The following SLC8A2 variants were observed in gnomAD, a reference collection of about 807,000 sequenced individuals.
The protein encoded by SLC8A2 is sodium/calcium exchanger 2.
Under a neutral mutation model 70.2 loss-of-function variants are expected in SLC8A2, and 14 were observed. The ratio of observed to expected loss-of-function variants is 0.20; its 90% CI spans 0.13 to 0.31. The LOEUF is 0.31. Ranked by LOEUF, SLC8A2 falls within the 10% of genes least tolerant of loss-of-function variation. The pLI, the probability that SLC8A2 is intolerant of heterozygous loss-of-function variation, is 1.00. For missense variants in SLC8A2, 779 were observed against 1,320.1 expected (o/e 0.59, Z 6.35); for synonymous variants, 575 against 594.3 (o/e 0.97, Z 0.47).
intron 2 of SLC8A2, among the ~76,000 whole-genome samples, chr19:47,459,629 A>G (rs1967365904): frequency 6.8e-6 from 1 of 147,718 alleles, no homozygotes. Context: ...GTGTATGTGT[A>G]TGTGCGTGTG....
chr19:47,460,590 G>A lies in SLC8A2; in HGVS notation c.676-2996C>T, dbSNP rs536696198. Among the ~76,000 whole-genome samples, 112 of 152,050 alleles carry A rather than the reference G, an allele frequency of 7.4e-4. 1 individual carries two copies. The highest frequency in any genetic ancestry group is 2.6e-3 in the African/African-American group (109 of 41,494). The stretch of plus-strand genomic sequence containing the variant: ...TGTGCATCTGTAGTCCCAGTTACTC[G>A]GGAGGCTGAGGCAGGAGAATTGCTT... On this transcript the variant is annotated intron_variant, in intron 2 of 9. Coordinates refer to ENST00000236877, the MANE Select transcript of SLC8A2 (RefSeq NM_015063.3).
chr19:47,440,393 A>C (rs1298832577), intron 6 of SLC8A2, among the ~76,000 whole-genome samples: 1 of 152,082 alleles, frequency 6.6e-6, no homozygotes, highest in Non-Finnish European at 1.5e-5. Context: ...CACTCTCACA[A>C]ACCCAGATCT....
At position 47,447,742 on chromosome 19, in the gene SLC8A2, T is replaced by C; in HGVS notation, c.1763+67A>G. 13 of 1,452,880 alleles carry C rather than the reference T, an allele frequency of 8.9e-6. No homozygotes were observed. Among genetic ancestry groups the C allele is most frequent in the East Asian group, 2.6e-5 (1 of 38,064 alleles). 90.0% of individuals were successfully genotyped at this position (1,452,880 alleles called of 1,614,324 possible). ...GCATGGCTCACCCAGGCCCCGCCCC[T>C]GAGCCACATCAGGCCTCGCCCATTC... On this transcript the variant is annotated intron_variant, in intron 4 of 9. Transcript: ENST00000236877. The surrounding 1 kb of genome is among the most constrained non-coding windows in gnomAD (Gnocchi z 5.1).
At position 47,432,444 on chromosome 19, in the gene SLC8A2, C is replaced by G. The variant is rs770877879; in HGVS notation, c.2112G>C (p.Gly704=). 6.3e-7 allele frequency: 1 copy of G among 1,589,050 alleles called. No homozygotes were observed. The highest frequency in any genetic ancestry group is 1.2e-5 in the South Asian group (1 of 86,850). ...ACCCGTCCTCCTCCTCCTCCTCGTC[C>G]CCTGTGGGCACACGACCCAGCTGGG... ...QFLEAITVSA[G]DEEEEEDGSR... is the part of the protein sequence containing the mutation. The change falls in exon 9 of 10, where the codon GGG becomes GGC. Residue 704 remains glycine (G), a splice_region_variant and synonymous_variant. Transcript: ENST00000236877. The surrounding 1 kb of genome is among the most constrained non-coding windows in gnomAD (Gnocchi z 6.2).
Position 47,465,791 on chromosome 19 carries a change from T to C in SLC8A2, c.613A>G (p.Ser205Gly). 1 of 1,614,044 alleles carries C rather than the reference T, an allele frequency of 6.2e-7. No homozygotes were observed. The highest frequency in any genetic ancestry group is 8.5e-7 in the Non-Finnish European group (1 of 1,179,958). ...LRVFFVTASW[S>G]IFAYVWLYLI... ...TAAAGCCAGACATAGGCGAAGATGC[T>C]CCAAGAGGCAGTGACAAAGAAGACT... The change falls in exon 2 of 10, where the codon AGC (serine) becomes GGC (glycine). Residue 205 changes from serine (S) to glycine (G), a missense_variant. By Grantham distance (56) the Ser-to-Gly change is moderately conservative. Coordinates refer to ENST00000236877, the MANE Select transcript of SLC8A2 (RefSeq NM_015063.3). The surrounding 1 kb of genome is among the most constrained non-coding windows in gnomAD (Gnocchi z 5.5).
rs1413520254 is a variant in SLC8A2, at chr19:47,447,630, T to A, written c.1763+179A>T. 6 of 412,632 alleles carry A rather than the reference T, an allele frequency of 1.5e-5. No homozygotes were observed. The highest frequency in any genetic ancestry group is 2.5e-5 in the South Asian group (1 of 39,362). 25.6% of individuals were successfully genotyped at this position (412,632 alleles called of 1,614,324 possible). A position where few individuals can be genotyped will look rare whatever the true frequency, so the allele number is the denominator to read the frequency against. ...TGAAGCCCCGCCCACGTCGTGGGCATGGGTCACAGGCCCCGCCCACGTTGC... is the reference window on the plus strand; with the variant it reads ...TGAAGCCCCGCCCACGTCGTGGGCAAGGGTCACAGGCCCCGCCCACGTTGC... On this transcript the variant is annotated intron_variant, in intron 4 of 9. Transcript: ENST00000236877. This position sits in a 1 kb window ranked among gnomAD's most constrained non-coding sequence, Gnocchi z 5.1.
intron 3 of SLC8A2, among the ~76,000 whole-genome samples, chr19:47,452,076 T>C (rs145522432): frequency 6.6e-6 from 1 of 152,270 alleles, no homozygotes; most frequent in African/African-American, 2.4e-5. Flanking sequence ...AATTCAGTGT[T>C]AGATTTCTTG....
intron 1 of SLC8A2, among the ~76,000 whole-genome samples, chr19:47,470,337 G>C (rs1967517631): frequency 7.3e-6 from 1 of 137,446 alleles, no homozygotes; most frequent in Non-Finnish European, 1.5e-5. Flanking sequence ...CCTGCAGCCA[G>C]GGAGACATCA....
At chr19:47,464,896 T>C (rs776448273) in intron 2 of SLC8A2, among the ~76,000 whole-genome samples, 8 of 152,142 alleles carry the variant, frequency 5.3e-5, no homozygotes, top group Non-Finnish European at 1.0e-4. Flanking sequence ...AGTTAAGACA[T>C]GGGGTGAGCG....
At chr19:47,455,495 T>C (rs879925640) in intron 3 of SLC8A2, among the ~76,000 whole-genome samples, 1 of 152,340 alleles carries the variant, frequency 6.6e-6, no homozygotes, top group East Asian at 1.9e-4. Context: ...TTATGAGTTT[T>C]GTTCACCACT....
In SLC8A2 at chr19:47,441,155, G is replaced by T; in HGVS notation, c.1885+14C>A. On this transcript the variant is annotated intron_variant, in intron 6 of 9. Transcript: ENST00000236877. ...GCTCCTCCCCACTCAGAGCCCAGAG[G>T]TGACTTCACTCACCTTGATTGAGTA... 1 of 1,613,570 alleles carries T rather than the reference G, an allele frequency of 6.2e-7. No homozygotes were observed. The highest frequency in any genetic ancestry group is 1.1e-5 in the South Asian group (1 of 91,066).
chr19:47,447,889 C>T lies in SLC8A2; in HGVS notation c.1683G>A (p.Thr561=). 1 of 1,590,672 alleles carries T rather than the reference C, an allele frequency of 6.3e-7. No individual in the cohort carries two copies. Among genetic ancestry groups the T allele is most frequent in the Non-Finnish European group, 8.5e-7 (1 of 1,171,564 alleles). The change falls in exon 4 of 10, where the codon ACG becomes ACA. Residue 561 remains threonine (T), a synonymous_variant. Transcript: ENST00000236877. The surrounding 1 kb of genome is among the most constrained non-coding windows in gnomAD (Gnocchi z 5.1). ...ARGTVRLPYR[T]VDGTARGGGV... is the part of the protein sequence containing the mutation. ...CGCCGCCGCGCGCCGTGCCGTCCAC[C>T]GTGCGGTAGGGAAGGCGCACGGTGC...
chr19:47,470,964 T>TG (rs940190108), intron 1 of SLC8A2, among the ~76,000 whole-genome samples: 14 of 148,038 alleles, frequency 9.5e-5, no homozygotes, highest in African/African-American at 2.5e-4. Context: ...ACTCTGCGGG[T>TG]GGGGGGGTCT....
At position 47,447,723 on chromosome 19, in the gene SLC8A2, C is replaced by A. The variant is rs1423451661; in HGVS notation, c.1763+86G>T. 7.3e-7 allele frequency: 1 copy of A among 1,362,914 alleles called. No homozygotes were observed. Among genetic ancestry groups the A allele is most frequent in the Non-Finnish European group, 9.6e-7 (1 of 1,037,362 alleles). 84.4% of individuals were successfully genotyped at this position (1,362,914 alleles called of 1,614,324 possible). On this transcript the variant is annotated intron_variant, in intron 4 of 9. Transcript: ENST00000236877. This position sits in a 1 kb window ranked among gnomAD's most constrained non-coding sequence, Gnocchi z 5.1. ...AGACCCGCCCACTATGTGGGCATGG[C>A]TCACCCAGGCCCCGCCCCTGAGCCA...
intron 1 of SLC8A2, among the ~76,000 whole-genome samples, chr19:47,469,502 C>A (rs1353211717): frequency 6.6e-6 from 1 of 152,184 alleles, no homozygotes; most frequent in Admixed American, 6.5e-5. Flanking sequence ...CCAGGTGATG[C>A]GGGTTCTCAT....
intron 2 of SLC8A2, among the ~76,000 whole-genome samples, chr19:47,458,132 G>A (rs952760737): frequency 2.0e-5 from 3 of 151,892 alleles, no homozygotes; most frequent in Non-Finnish European, 4.4e-5. Context: ...GATTACAGGC[G>A]TGAGCCCTGT....
At chr19:47,453,528 C>T (rs1398601276) in intron 3 of SLC8A2, among the ~76,000 whole-genome samples, 1 of 152,172 alleles carries the variant, frequency 6.6e-6, no homozygotes, top group East Asian at 1.9e-4. Context: ...GATAGGAAAT[C>T]AAGGAAGGAT....
rs750499481 is a variant in SLC8A2 at position 47,441,450 on chromosome 19, G to A, written c.1764-10C>T. The A allele has an allele frequency of 3.8e-6, 6 of 1,562,164 alleles. No individual in the cohort carries two copies. The South Asian group carries it at 5.6e-5, about 15-fold the overall frequency. ...CACCTGAAGAGTTTTCCTGTGCAGG[G>A]GGTAAGGGGGAGGCAGAACACTCAG... On this transcript the variant is annotated splice_polypyrimidine_tract_variant and intron_variant, in intron 4 of 9. Coordinates refer to ENST00000236877, the MANE Select transcript of SLC8A2 (RefSeq NM_015063.3).
rs1484215387 is a variant in SLC8A2, at chr19:47,466,540, G to C, written c.-16-121C>G. 5.3e-6 allele frequency: 3 copies of C among 564,422 alleles called. No homozygotes were observed. The highest frequency in any genetic ancestry group is 3.8e-5 in the African/African-American group (2 of 53,104). The allele number at this position is 564,422 out of a possible 1,614,324, so 35.0% of individuals were successfully genotyped here. ...AGCTGAGGACCAATGCAGGCAGGAT[G>C]GGGACTGAGGGCGACAGAGACACAG... is the stretch of plus-strand genomic sequence containing the variant. On this transcript the variant is annotated intron_variant, in intron 1 of 9. Coordinates refer to ENST00000236877, the MANE Select transcript of SLC8A2 (RefSeq NM_015063.3). The surrounding 1 kb of genome is among the most constrained non-coding windows in gnomAD (Gnocchi z 6.9).
Sources: allele counts gnomAD v4.1 joint callset (sites outside exome capture counted in the v4.1 genomes callset), GRCh38; gene constraint gnomAD v4.1.1; non-coding constraint Gnocchi (gnomAD v3.1); transcripts MANE v1.5; gene names NCBI Gene and HGNC (gene_info 2026-07-23, HGNC 2026-07-21).